MACO1: variants seen among roughly 807,000 people sequenced by gnomAD.
The protein encoded by MACO1 is macoilin 1.
MACO1 carries 14 observed loss-of-function variants against 78.7 expected under a neutral mutation model. The observed-to-expected ratio is 0.18, with a 90% CI of 0.12 to 0.28. The LOEUF is 0.28. MACO1 is among the 10% of genes least tolerant of loss of function. The pLI is 1.00. For synonymous variants in MACO1, 288 were observed against 291.6 expected (o/e 0.99, Z 0.12); for missense variants, 501 against 799.0 (o/e 0.63, Z 4.50).
intron 6 of MACO1, among the ~76,000 whole-genome samples, chr1:25,482,723 G>A (rs2043391534): frequency 6.6e-6 from 1 of 152,138 alleles, no homozygotes; most frequent in African/African-American, 2.4e-5. Context: ...TGAAGAGAAT[G>A]GACTCTGGAG....
At chr1:25,474,256 T>C (rs981114449) in intron 6 of MACO1, among the ~76,000 whole-genome samples, 1 of 152,210 alleles carries the variant, frequency 6.6e-6, no homozygotes, top group African/African-American at 2.4e-5. Flanking sequence ...ACTTTTTTTT[T>C]AACATCATGT....
chr1:25,489,824 A>G (rs554554248), intron 9 of MACO1, among the ~76,000 whole-genome samples: 2 of 152,366 alleles, frequency 1.3e-5, no homozygotes, highest in Non-Finnish European at 1.5e-5. Flanking sequence ...AATTTGAGCC[A>G]GGTGGGACAA....
chr1:25,478,523 T>C (rs1361709859), intron 6 of MACO1, among the ~76,000 whole-genome samples: 2 of 152,232 alleles, frequency 1.3e-5, no homozygotes, highest in Non-Finnish European at 2.9e-5. Context: ...AGAGTGATCC[T>C]TAAACTTGAC....
chr1:25,490,351 G>A (rs984960609), intron 9 of MACO1, among the ~76,000 whole-genome samples: 1 of 152,104 alleles, frequency 6.6e-6, no homozygotes, highest in African/African-American at 2.4e-5. Flanking sequence ...TGACTGATAA[G>A]ATCATAAAAA....
intron 4 of MACO1, 88 bp downstream of exon 4, chr1:25,454,470 G>A (rs78403041): frequency 0.58 from 47,824 of 82,980 alleles, 15,183 homozygotes; most frequent in South Asian, 0.63. Context: ...GTGTGTGTGT[G>A]TATATATATA....
chr1:25,466,950 C>T (rs1346796214), intron 6 of MACO1, among the ~76,000 whole-genome samples: 1 of 152,048 alleles, frequency 6.6e-6, no homozygotes, highest in Admixed American at 6.6e-5. Flanking sequence ...CATGGCAGGC[C>T]AGTGCGATCA....
At position 25,466,378 on chromosome 1, in the gene MACO1, A is replaced by G. The variant is rs548495154; in HGVS notation, c.1154+7486A>G. Among the ~76,000 whole-genome samples, 398 of 152,284 alleles carry G rather than the reference A, an allele frequency of 2.6e-3. 1 individual carries two copies. The highest frequency in any genetic ancestry group is 0.017 in the South Asian group (82 of 4,822). The stretch of plus-strand genomic sequence containing the variant: ...GCCCAGGCTGGAGTGCAATGGTGCC[A>G]TCTTGGCTCACTGCAACCTCCACCT... On this transcript the variant is annotated intron_variant, in intron 6 of 10. Transcript: ENST00000374343.
intron 1 of MACO1, among the ~76,000 whole-genome samples, chr1:25,438,950 A>G (rs2124569338): frequency 6.6e-6 from 1 of 152,250 alleles, no homozygotes; most frequent in South Asian, 2.1e-4. Flanking sequence ...GACATGTCAA[A>G]CAGAAACCTG....
chr1:25,431,145 A>G lies in MACO1; in HGVS notation c.47A>G (p.Lys16Arg). 6.3e-7 allele frequency: 1 copy of G among 1,598,812 alleles called. No homozygotes were observed. Among genetic ancestry groups the G allele is most frequent in the South Asian group, 1.1e-5 (1 of 89,584 alleles). The change falls in exon 1 of 11, where the codon AAG (lysine) becomes AGG (arginine). Residue 16 changes from lysine (K) to arginine (R), a missense_variant. Coordinates refer to ENST00000374343, the MANE Select transcript of MACO1 (RefSeq NM_018202.6). ...ADCSKLRRPL[K>R]RNRITEGIYG... Reference sequence around the variant, plus strand: ...TGCAGTAAGCTCCGCCGCCCCCTAAAGCGGAACCGGATCACCGAGGGCATT... The same window carrying G: ...TGCAGTAAGCTCCGCCGCCCCCTAAGGCGGAACCGGATCACCGAGGGCATT...
intron 5 of MACO1, 62 bp from the exon 6 acceptor site, chr1:25,458,329 G>A: frequency 6.6e-7 from 1 of 1,521,422 alleles, no homozygotes; most frequent in Non-Finnish European, 8.8e-7. Context: ...AATCTGTGTT[G>A]TTAAACAACT....
intron 6 of MACO1, among the ~76,000 whole-genome samples, chr1:25,462,793 C>T (rs980266879): frequency 9.1e-5 from 5 of 55,226 alleles, no homozygotes; most frequent in African/African-American, 2.1e-4. Flanking sequence ...TGTAAAAGGG[C>T]GGGCAGTCTG....
intron 8 of MACO1, 113 bp from the exon 9 acceptor site, chr1:25,489,060 A>G: frequency 1.5e-6 from 2 of 1,334,554 alleles, no homozygotes; most frequent in Non-Finnish European, 2.0e-6. Flanking sequence ...ACCTCAAATA[A>G]TCTGCCTGCC....
intron 1 of MACO1, 57 bp from the exon 2 acceptor site, chr1:25,446,705 T>G (rs1421736534): frequency 6.7e-7 from 1 of 1,482,642 alleles, no homozygotes; most frequent in African/African-American, 1.4e-5. Context: ...GTGAATTTTC[T>G]ATTTCTAGTT....
At chr1:25,431,625 G>C (rs1344047441) in intron 1 of MACO1, among the ~76,000 whole-genome samples, 2 of 151,950 alleles carry the variant, frequency 1.3e-5, no homozygotes, top group Admixed American at 6.5e-5. Context: ...CCACAGCGCG[G>C]GGGGGTGGGG....
intron 6 of MACO1, among the ~76,000 whole-genome samples, chr1:25,467,490 C>G (rs182347242): frequency 1.3e-5 from 2 of 152,288 alleles, no homozygotes; most frequent in East Asian, 3.9e-4. Flanking sequence ...TAACAAAATA[C>G]TAAGTGATCC....
At position 25,468,701 on chromosome 1, in the gene MACO1, A is replaced by T. The variant is rs143238417; in HGVS notation, c.1154+9809A>T. ...TTCTGTTTAGAGACTTGAGAGCCTG[A>T]AAGGAAATGGGGAAAACATTGCTCA... On this transcript the variant is annotated intron_variant, in intron 6 of 10. Transcript: ENST00000374343. Among the ~76,000 whole-genome samples, 778 of 152,296 alleles carry T rather than the reference A, an allele frequency of 5.1e-3. 9 individuals carry two copies. Among genetic ancestry groups the T allele is most frequent in the African/African-American group, 0.017 (713 of 41,542 alleles).
intron 4 of MACO1, among the ~76,000 whole-genome samples, chr1:25,455,928 C>G (rs2043115737): frequency 6.6e-6 from 1 of 151,684 alleles, no homozygotes; most frequent in South Asian, 2.1e-4. Context: ...CTTATGTTTA[C>G]TTTTGGCTAC....
chr1:25,467,960 C>G (rs2043233920), intron 6 of MACO1, among the ~76,000 whole-genome samples: 1 of 152,058 alleles, frequency 6.6e-6, no homozygotes, highest in Non-Finnish European at 1.5e-5. Context: ...TTTTTATCAA[C>G]TTGCTTGCTT....
chr1:25,480,694 A>G (rs2043364110), intron 6 of MACO1, among the ~76,000 whole-genome samples: 1 of 151,942 alleles, frequency 6.6e-6, no homozygotes, highest in African/African-American at 2.4e-5. Flanking sequence ...TAGGAGGCCA[A>G]GGTGGGTGGA....
Sources: gnomAD v4.1 joint callset for allele counts (sites outside exome capture counted in the v4.1 genomes callset) on GRCh38, gnomAD v4.1.1 for gene constraint, MANE v1.5 for transcripts, NCBI Gene and HGNC (gene_info 2026-07-23, HGNC 2026-07-21) for gene names.